LRP1B: variants seen among roughly 807,000 people sequenced by gnomAD.
LRP1B encodes LDL receptor related protein 1B, also known as low-density lipoprotein receptor-related protein 1B.
LRP1B carries 217 observed loss-of-function variants against 556.6 expected under a neutral mutation model. The observed-to-expected ratio is 0.39, with a 90% CI of 0.35 to 0.44. LRP1B has a LOEUF of 0.44. Among genes scored for constraint, LRP1B ranks in the 20% least tolerant of loss-of-function variants. The probability of loss-of-function intolerance (pLI) is 1.00; values close to 1 mark genes in which losing one functional copy is unlikely to be tolerated. For synonymous variants in LRP1B, 2,047 were observed against 1,865.8 expected (o/e 1.10, Z -2.50); for missense variants, 5,053 against 5,620.8 (o/e 0.90, Z 3.23).
In LRP1B at chr2:141,052,133, CA is replaced by C. The variant is rs1262014693; in HGVS notation, c.1553-2912del. On this transcript the variant is annotated intron_variant, in intron 10 of 90. Coordinates refer to ENST00000389484, the MANE Select transcript of LRP1B (RefSeq NM_018557.3). ...ATAATTTTTTCAATTTAGCATTTCA[CA>C]CATTTTCTTAGACGAAATTACAGAA... 6.6e-5 allele frequency among the ~76,000 whole-genome samples: 10 copies of C among 152,092 alleles called. 1 individual carries two copies. In the South Asian group the frequency reaches 2.1e-3, roughly 32 times the overall value.
intron 1 of LRP1B, among the ~76,000 whole-genome samples, chr2:141,982,452 T>C (rs779634130): frequency 1.2e-4 from 19 of 152,120 alleles, no homozygotes; most frequent in Non-Finnish European, 2.6e-4. Context: ...GGAGACACTT[T>C]AGAGTGACTT....
chr2:141,536,270 A>G lies in LRP1B; in HGVS notation c.206-55737T>C, dbSNP rs555179684. Among the ~76,000 whole-genome samples the G allele has an allele frequency of 1.7e-3, 258 of 152,236 alleles. 2 individuals carry two copies. Among genetic ancestry groups the G allele is most frequent in the Middle Eastern group, 0.01 (3 of 292 alleles). ...TTGACTTACATTTTCCCACATTTTT[A>G]TCTAATGGTTAGAATTTTAGATGTA... On this transcript the variant is annotated intron_variant, in intron 2 of 90. Coordinates refer to ENST00000389484, the MANE Select transcript of LRP1B (RefSeq NM_018557.3).
chr2:141,422,622 A>G (rs1007792520), intron 3 of LRP1B, among the ~76,000 whole-genome samples: 1 of 152,192 alleles, frequency 6.6e-6, no homozygotes, highest in Non-Finnish European at 1.5e-5. Context: ...TCTTTTATCT[A>G]TAACTTTTAA....
intron 1 of LRP1B, among the ~76,000 whole-genome samples, chr2:141,884,924 T>G (rs116461378): frequency 6.6e-6 from 1 of 152,304 alleles, no homozygotes; most frequent in Non-Finnish European, 1.5e-5. Flanking sequence ...CCTGTAAATG[T>G]ATTTGGATGG....
intron 18 of LRP1B, among the ~76,000 whole-genome samples, chr2:140,953,687 G>C (rs1429351): frequency 0.57 from 86,801 of 152,016 alleles, 27,256 homozygotes; most frequent in Non-Finnish European, 0.68. Context: ...GTAGTTTTGA[G>C]CACTATTTTA....
intron 43 of LRP1B, among the ~76,000 whole-genome samples, chr2:140,593,659 A>C (rs1392199213): frequency 6.6e-6 from 1 of 152,162 alleles, no homozygotes; most frequent in Non-Finnish European, 1.5e-5. Flanking sequence ...AATGCAAGTC[A>C]AAATTGAACT....
intron 43 of LRP1B, among the ~76,000 whole-genome samples, chr2:140,564,752 T>C (rs1681062554): frequency 6.6e-6 from 1 of 152,074 alleles, no homozygotes; most frequent in Non-Finnish European, 1.5e-5. Flanking sequence ...TCTTGTGATG[T>C]ATACAGTTTA....
At chr2:140,662,099 C>G (rs966627668) in intron 41 of LRP1B, among the ~76,000 whole-genome samples, 9 of 151,658 alleles carry the variant, frequency 5.9e-5, no homozygotes, top group African/African-American at 2.2e-4. Flanking sequence ...TAGAAAAAAA[C>G]TAGAAGAAAG....
intron 77 of LRP1B, among the ~76,000 whole-genome samples, chr2:140,343,514 G>A (rs1027476473): frequency 6.6e-6 from 1 of 151,456 alleles, no homozygotes; most frequent in Non-Finnish European, 1.5e-5. Context: ...TATAAATATT[G>A]AAATGAAGGA....
At chr2:140,386,906 A>G (rs1014571826) in intron 66 of LRP1B, among the ~76,000 whole-genome samples, 4 of 152,224 alleles carry the variant, frequency 2.6e-5, no homozygotes, top group East Asian at 1.9e-4. Flanking sequence ...CTTAATGTGC[A>G]TACATATAAG....
At chr2:142,080,935 G>C (rs1440484279) in intron 1 of LRP1B, among the ~76,000 whole-genome samples, 1 of 152,148 alleles carries the variant, frequency 6.6e-6, no homozygotes, top group Non-Finnish European at 1.5e-5. Flanking sequence ...TAGTTCTCAA[G>C]TGGCTACTTC....
chr2:140,921,658 T>C (rs1158098398), intron 21 of LRP1B, among the ~76,000 whole-genome samples: 1 of 152,022 alleles, frequency 6.6e-6, no homozygotes, highest in East Asian at 1.9e-4. Flanking sequence ...TATGTAACAA[T>C]TGAAGAGAGT....
At chr2:140,467,397 A>G (rs1687588728) in intron 60 of LRP1B, among the ~76,000 whole-genome samples, 1 of 151,870 alleles carries the variant, frequency 6.6e-6, no homozygotes. Flanking sequence ...TGAGGTCAGG[A>G]GTTCAAAACC....
chr2:141,997,377 ATG>A (rs199813219), intron 1 of LRP1B, among the ~76,000 whole-genome samples: 9 of 144,270 alleles, frequency 6.2e-5, no homozygotes, highest in South Asian at 2.2e-4. Context: ...AATATCCAAG[ATG>A]TGTGTGTGTG....
rs1258177419 is a variant in LRP1B, at chr2:141,098,516, A to T, written c.1014-36243T>A. Reference sequence around the variant, plus strand: ...CACTGTTTCCCTATAACTGACCCTCAGACCTCTCAATTGTTTTTCTTCAGG... The same window carrying T: ...CACTGTTTCCCTATAACTGACCCTCTGACCTCTCAATTGTTTTTCTTCAGG... On this transcript the variant is annotated intron_variant, in intron 7 of 90. Coordinates refer to ENST00000389484, the MANE Select transcript of LRP1B (RefSeq NM_018557.3). 7.9e-5 allele frequency among the ~76,000 whole-genome samples: 12 copies of T among 152,294 alleles called. No individual in the cohort carries two copies. In the East Asian group the frequency reaches 2.1e-3, roughly 27 times the overall value.
intron 1 of LRP1B, among the ~76,000 whole-genome samples, chr2:142,009,538 C>T (rs1702892142): frequency 6.6e-6 from 1 of 152,102 alleles, no homozygotes; most frequent in South Asian, 2.1e-4. Context: ...GGGATCCTCT[C>T]ACTCAATTCT....
intron 32 of LRP1B, among the ~76,000 whole-genome samples, chr2:140,812,381 T>C (rs1573751449): frequency 6.7e-6 from 1 of 149,630 alleles, no homozygotes; most frequent in African/African-American, 2.4e-5. Context: ...AAACAATCTC[T>C]TTCCTTCACA....
chr2:141,616,080 G>A (rs1285644331), intron 2 of LRP1B, among the ~76,000 whole-genome samples: 1 of 152,088 alleles, frequency 6.6e-6, no homozygotes, highest in African/African-American at 2.4e-5. Flanking sequence ...TCAGGAGTTT[G>A]AGACCATCCT....
intron 7 of LRP1B, among the ~76,000 whole-genome samples, chr2:141,164,826 T>C (rs1680181070): frequency 1.3e-5 from 2 of 152,082 alleles, no homozygotes; most frequent in African/African-American, 4.8e-5. Flanking sequence ...ATCAGAAATA[T>C]AGTAGCAGCT....
Sources: gnomAD v4.1 joint callset for allele counts (sites outside exome capture counted in the v4.1 genomes callset) on GRCh38, gnomAD v4.1.1 for gene constraint, MANE v1.5 for transcripts, NCBI Gene and HGNC (gene_info 2026-07-23, HGNC 2026-07-21) for gene names.